The following MGRN1 variants were observed in gnomAD, a reference collection of about 807,000 sequenced individuals.
MGRN1 encodes mahogunin ring finger 1, also known as E3 ubiquitin-protein ligase MGRN1.
Under a neutral mutation model 69.2 loss-of-function variants are expected in MGRN1, and 29 were observed. The observed-to-expected ratio is 0.42, with a 90% confidence interval of 0.31 to 0.57. MGRN1 has a LOEUF of 0.57. Among genes scored for constraint, MGRN1 ranks in the 20% least tolerant of loss-of-function variants. The pLI is 0.15. For missense variants in MGRN1, 998 were observed against 796.2 expected (o/e 1.25, Z -3.05); for synonymous variants, 470 against 344.2 (o/e 1.37, Z -4.04).
chr16:4,668,710 ACACT>A (rs373935386), intron 8 of MGRN1, among the ~76,000 whole-genome samples: 4,083 of 145,090 alleles, frequency 0.028, 60 homozygotes, highest in African/African-American at 0.044. Context: ...ACATACACTC[ACACT>A]CACTCACATA....
chr16:4,638,880 C>T (rs895891786), intron 1 of MGRN1, among the ~76,000 whole-genome samples: 2 of 152,220 alleles, frequency 1.3e-5, no homozygotes, highest in African/African-American at 4.8e-5. Context: ...CAGTGAAGTC[C>T]ACCCCTGGTG....
At chr16:4,657,460 C>T (rs2078572656) in intron 5 of MGRN1, 97 bp downstream of exon 5, 6 of 1,215,030 alleles carry the variant, frequency 4.9e-6, no homozygotes, top group Non-Finnish European at 7.2e-6. Flanking sequence ...GTTTGGCTTC[C>T]TCCAGGGTTC....
rs756363180 is a variant in MGRN1, at chr16:4,668,247, T to C, written c.679-18T>C. ...GCCAGCTTGACCACCTTAACCTCTT[T>C]GTCTTTCTCCCCTGCAGCACATGGA... On this transcript the variant is annotated intron_variant, in intron 7 of 16. Transcript: ENST00000262370. The C allele has an allele frequency of 4.3e-6, 7 of 1,613,682 alleles. No individual in the cohort carries two copies. The highest frequency in any genetic ancestry group is 4.5e-5 in the East Asian group (2 of 44,882).
At chr16:4,652,574 G>A (rs2078432968) in intron 3 of MGRN1, 104 bp from the exon 4 acceptor site, 2 of 1,413,692 alleles carry the variant, frequency 1.4e-6, no homozygotes, top group Non-Finnish European at 1.9e-6. Flanking sequence ...AGCGGGCTGT[G>A]TCCACATAGC....
intron 11 of MGRN1, 129 bp downstream of exon 11, chr16:4,677,701 A>G: frequency 1.2e-6 from 1 of 862,250 alleles, no homozygotes; most frequent in Non-Finnish European, 1.8e-6. Flanking sequence ...CATGGCCCCC[A>G]TGGATGGCTG....
chr16:4,682,192 T>G (rs2079200791), intron 13 of MGRN1, among the ~76,000 whole-genome samples: 1 of 152,154 alleles, frequency 6.6e-6, no homozygotes, highest in South Asian at 2.1e-4. Context: ...GACCTGACAG[T>G]GACCCAGGCA....
At chr16:4,664,211 A>C (rs906962215) in intron 5 of MGRN1, 7 of 177,098 alleles carry the variant, frequency 4.0e-5, no homozygotes, top group Non-Finnish European at 6.1e-5. Flanking sequence ...GGAAAGCAGC[A>C]CCGATGCGTG....
intron 5 of MGRN1, among the ~76,000 whole-genome samples, chr16:4,660,589 C>G (rs895384900): frequency 6.6e-6 from 1 of 152,206 alleles, no homozygotes; most frequent in African/African-American, 2.4e-5. Context: ...TGGGCAGAAG[C>G]GAAGGGGTGG....
rs764330397 is a variant in MGRN1 at position 4,651,983 on chromosome 16, C to T, written c.228C>T (p.Ala76=). 7 of 1,613,924 alleles carry T rather than the reference C, an allele frequency of 4.3e-6. No homozygotes were observed. Among genetic ancestry groups the T allele is most frequent in the Middle Eastern group, 1.6e-4 (1 of 6,078 alleles). Residue 76 remains alanine, a synonymous_variant, in exon 3 of 17, where the codon GCC becomes GCT. Transcript: ENST00000262370. ...RPVQFPYVTP[A]PHEPVKTLRS... ...CCTAGTTTCCCTACGTCACTCCTGC[C>T]CCCCACGAGCCCGTGAAGACGCTGC...
chr16:4,646,674 A>T (rs908895638), intron 1 of MGRN1, among the ~76,000 whole-genome samples: 3 of 152,098 alleles, frequency 2.0e-5, no homozygotes, highest in Non-Finnish European at 2.9e-5. Flanking sequence ...TCATGCGGTC[A>T]CCTGGTCAGC....
chr16:4,654,159 AAG>A (rs1317868115), intron 4 of MGRN1, among the ~76,000 whole-genome samples: 1 of 152,150 alleles, frequency 6.6e-6, no homozygotes, highest in Non-Finnish European at 1.5e-5. Flanking sequence ...TCCAGGAGCC[AAG>A]AGTCACCTCA....
chr16:4,653,172 C>G (rs28408726), intron 4 of MGRN1, among the ~76,000 whole-genome samples: 6,366 of 152,254 alleles, frequency 0.042, 455 homozygotes, highest in African/African-American at 0.14. Context: ...ATCAGGCTCC[C>G]ACAGTCCCCT....
chr16:4,670,219 C>T (rs2078907941), intron 8 of MGRN1, among the ~76,000 whole-genome samples: 1 of 151,796 alleles, frequency 6.6e-6, no homozygotes, highest in Non-Finnish European at 1.5e-5. Context: ...TGCGCCACCA[C>T]AGTTGGTTAA....
chr16:4,684,371 C>A (rs1049482707), intron 16 of MGRN1, among the ~76,000 whole-genome samples: 1 of 152,250 alleles, frequency 6.6e-6, no homozygotes, highest in African/African-American at 2.4e-5. Flanking sequence ...CACGTGCGCT[C>A]CTGGCAGTGC....
At chr16:4,628,157 C>T (rs1897790534) in intron 1 of MGRN1, among the ~76,000 whole-genome samples, 2 of 151,016 alleles carry the variant, frequency 1.3e-5, no homozygotes, top group South Asian at 2.1e-4. Flanking sequence ...GAGGCCGAGG[C>T]AGGCGGATCA....
chr16:4,681,633 C>T lies in MGRN1; in HGVS notation c.1215C>T (p.Ile405=), dbSNP rs1208421635. 8.1e-6 allele frequency: 13 copies of T among 1,613,530 alleles called. No homozygotes were observed. Among genetic ancestry groups the T allele is most frequent in the Non-Finnish European group, 1.1e-5 (13 of 1,180,020 alleles). Residue 405 remains isoleucine (I), a synonymous_variant, in exon 13 of 17, where the codon ATC becomes ATT. Transcript: ENST00000262370. ...LNGLRAVSPA[I]PSAPLYEEIT... is the part of the protein sequence containing the mutation. ...GCCTCCGGGCTGTCTCCCCGGCCAT[C>T]CCCTCGGCCCCTCTTTATGAAGAAA...
At chr16:4,650,686 A>G (rs1453302142) in intron 2 of MGRN1, 3 of 442,028 alleles carry the variant, frequency 6.8e-6, no homozygotes, top group Non-Finnish European at 1.2e-5. Flanking sequence ...TAGAGGCCAG[A>G]TGGCCAGGGG....
At chr16:4,679,771 G>C (rs533053418) in intron 11 of MGRN1, among the ~76,000 whole-genome samples, 1 of 152,156 alleles carries the variant, frequency 6.6e-6, no homozygotes, top group Non-Finnish European at 1.5e-5. Flanking sequence ...ACTGCGGGGG[G>C]ACAGGCAATG....
At chr16:4,686,329 G>C (rs572324696) in intron 16 of MGRN1, 1 of 1,541,184 alleles carries the variant, frequency 6.5e-7, no homozygotes, top group African/African-American at 1.4e-5. Flanking sequence ...GACGCGCTTC[G>C]GGGGCTCTGA....
Sources: gnomAD v4.1 joint callset for allele counts (sites outside exome capture counted in the v4.1 genomes callset) on GRCh38, gnomAD v4.1.1 for gene constraint, MANE v1.5 for transcripts, NCBI Gene and HGNC (gene_info 2026-07-23, HGNC 2026-07-21) for gene names.